DOCK4: variants seen among roughly 807,000 people sequenced by gnomAD.
The protein encoded by DOCK4 is dedicator of cytokinesis 4, also known as dedicator of cytokinesis protein 4.
DOCK4 carries 97 observed loss-of-function variants against 268.1 expected under a neutral mutation model. The ratio of observed to expected loss-of-function variants is 0.36; its 90% CI spans 0.31 to 0.43. The LOEUF is 0.43. Ranked by LOEUF, DOCK4 falls within the 20% of genes least tolerant of loss-of-function variation. The probability of loss-of-function intolerance (pLI) is 1.00; values close to 1 mark genes in which losing one functional copy is unlikely to be tolerated. For missense variants in DOCK4, 2,145 were observed against 2,455.7 expected, an observed-to-expected ratio of 0.87 and a Z score of 2.67; for synonymous variants, 954 against 887.2, an observed-to-expected ratio of 1.08 and a Z score of -1.34.
chr7:112,092,146 GTTT>G (rs1385015090), intron 1 of DOCK4, among the ~76,000 whole-genome samples: 1 of 152,066 alleles, frequency 6.6e-6, no homozygotes, highest in East Asian at 1.9e-4. Flanking sequence ...TAATAACTTT[GTTT>G]GGCAAATGAA....
chr7:112,144,932 T>C (rs1344159456), intron 1 of DOCK4, among the ~76,000 whole-genome samples: 1 of 152,158 alleles, frequency 6.6e-6, no homozygotes, highest in Non-Finnish European at 1.5e-5. Context: ...ATTAGGAATT[T>C]TTGTTCCACT....
At chr7:111,742,722 G>A (rs192075959) in intron 44 of DOCK4, among the ~76,000 whole-genome samples, 6 of 152,270 alleles carry the variant, frequency 3.9e-5, no homozygotes, top group Admixed American at 1.3e-4. Context: ...GGCCAGGCGC[G>A]GTGGCTCACG....
intron 1 of DOCK4, among the ~76,000 whole-genome samples, chr7:112,069,256 T>G (rs1477786674): frequency 6.6e-6 from 1 of 152,184 alleles, no homozygotes; most frequent in Admixed American, 6.5e-5. Context: ...AAGATTGAGT[T>G]ATTGTTGGCA....
intron 16 of DOCK4, among the ~76,000 whole-genome samples, chr7:111,892,127 TAGAA>T (rs760198622): frequency 6.6e-6 from 1 of 152,192 alleles, no homozygotes; most frequent in Non-Finnish European, 1.5e-5. Context: ...GAGACATCCT[TAGAA>T]AGGCCCTTCT....
At chr7:112,121,804 C>T (rs1227923891) in intron 1 of DOCK4, among the ~76,000 whole-genome samples, 1 of 152,144 alleles carries the variant, frequency 6.6e-6, no homozygotes, top group African/African-American at 2.4e-5. Context: ...GTTTTGACCC[C>T]ACTCATGCGC....
In DOCK4 at chr7:112,206,149, G is replaced by T; in HGVS notation, c.-11C>A. 6.3e-7 allele frequency: 1 copy of T among 1,578,790 alleles called. No individual in the cohort carries two copies. The highest frequency in any genetic ancestry group is 8.6e-7 in the Non-Finnish European group (1 of 1,162,076). On this transcript the variant is annotated 5_prime_UTR_variant, in exon 1 of 53. Coordinates refer to ENST00000428084, the MANE Select transcript of DOCK4 (RefSeq NM_001363540.2). ...CGTAGGTATCCACATGGCTAAAGGG[G>T]CTCCGGGGTCTTCAGGCTTTGTAAT...
At chr7:111,732,710 C>T (rs531955217) in intron 51 of DOCK4, among the ~76,000 whole-genome samples, 5 of 152,328 alleles carry the variant, frequency 3.3e-5, no homozygotes, top group Admixed American at 2.0e-4. Context: ...CATGGCCACC[C>T]CAGCAGCCTG....
intron 1 of DOCK4, among the ~76,000 whole-genome samples, chr7:112,096,768 T>C (rs1272901747): frequency 1.3e-5 from 2 of 152,108 alleles, no homozygotes; most frequent in Non-Finnish European, 2.9e-5. Context: ...TGTAGCTGGT[T>C]AGTAAAGGTC....
At chr7:112,105,563 C>A (rs1265294761) in intron 1 of DOCK4, among the ~76,000 whole-genome samples, 3 of 95,200 alleles carry the variant, frequency 3.2e-5, no homozygotes, top group African/African-American at 5.8e-5. Context: ...CTAAAGACAA[C>A]AAATCTAAAA....
intron 1 of DOCK4, among the ~76,000 whole-genome samples, chr7:112,121,786 G>T (rs1812751037): frequency 6.6e-6 from 1 of 152,178 alleles, no homozygotes. Context: ...TTCTTTGAGA[G>T]ACCAGTGGTT....
chr7:111,835,853 A>G (rs1450484139), intron 25 of DOCK4, among the ~76,000 whole-genome samples: 1 of 152,166 alleles, frequency 6.6e-6, no homozygotes, highest in Non-Finnish European at 1.5e-5. Context: ...ATACTTAAAG[A>G]CCATGTCAAG....
chr7:111,908,512 T>A (rs1791806677), intron 13 of DOCK4, among the ~76,000 whole-genome samples: 2 of 151,180 alleles, frequency 1.3e-5, no homozygotes, highest in Non-Finnish European at 1.5e-5. Flanking sequence ...TTTGTCAAAG[T>A]GACTTTTATT....
Position 111,811,876 on chromosome 7 carries a change from T to C in DOCK4, c.3004A>G (p.Lys1002Glu). ...KNFLNENFDYKIWDSYFYLAV... is the reference protein window; with the variant it reads ...KNFLNENFDYEIWDSYFYLAV... ...GAGTCATATAAATGAATGCTTACCT[T>C]ATAATCAAAGTTTTCATTTAAGAAG... The change falls in exon 28 of 53, where the codon AAG becomes GAG. Residue 1002 changes from lysine (K) to glutamate (E), a missense_variant and splice_region_variant. Lys to Glu is a moderately conservative substitution (Grantham distance 56). Around this residue, in one of 2 missense-constraint regions of DOCK4, gnomAD observed 1,598 missense variants for 1,986.7 expected, o/e 0.80. Coordinates refer to ENST00000428084, the MANE Select transcript of DOCK4 (RefSeq NM_001363540.2). 2.0e-6 allele frequency: 3 copies of C among 1,503,870 alleles called. No individual in the cohort carries two copies. Among genetic ancestry groups the C allele is most frequent in the Non-Finnish European group, 2.7e-6 (3 of 1,105,544 alleles). The allele number at this position is 1,503,870 out of a possible 1,614,324, so 93.2% of individuals were successfully genotyped here.
intron 8 of DOCK4, among the ~76,000 whole-genome samples, chr7:111,955,148 A>G (rs960009197): frequency 5.3e-5 from 8 of 152,226 alleles, no homozygotes; most frequent in African/African-American, 1.9e-4. Flanking sequence ...ACATGAGAAC[A>G]CAAATGACAG....
At chr7:112,051,910 T>C (rs1805392508) in intron 1 of DOCK4, among the ~76,000 whole-genome samples, 1 of 152,214 alleles carries the variant, frequency 6.6e-6, no homozygotes, top group South Asian at 2.1e-4. Flanking sequence ...TATCGATATT[T>C]ATAGATTTAT....
chr7:111,957,117 T>C (rs1405782887), intron 8 of DOCK4, among the ~76,000 whole-genome samples: 2 of 152,178 alleles, frequency 1.3e-5, no homozygotes, highest in African/African-American at 4.8e-5. Flanking sequence ...AGAACAGGTA[T>C]ATTATTTTCT....
At chr7:112,163,018 T>C (rs1817275914) in intron 1 of DOCK4, among the ~76,000 whole-genome samples, 1 of 152,190 alleles carries the variant, frequency 6.6e-6, no homozygotes, top group African/African-American at 2.4e-5. Context: ...TCCTCCTTTG[T>C]AGCTGCTACT....
chr7:112,172,133 A>T (rs1279607058), intron 1 of DOCK4, among the ~76,000 whole-genome samples: 1 of 152,222 alleles, frequency 6.6e-6, no homozygotes, highest in Non-Finnish European at 1.5e-5. Context: ...TTAGGGGTGA[A>T]GAGACAATTC....
At chr7:112,154,696 C>T (rs763989265) in intron 1 of DOCK4, among the ~76,000 whole-genome samples, 8 of 152,120 alleles carry the variant, frequency 5.3e-5, no homozygotes, top group African/African-American at 1.9e-4. Context: ...GGAACACTGG[C>T]GTGGGGTTGA....
Sources: gnomAD v4.1 joint callset for allele counts (sites outside exome capture counted in the v4.1 genomes callset) on GRCh38, gnomAD v4.1.1 for gene constraint, gnomAD v4.1.1 regional missense constraint, MANE v1.5 for transcripts, NCBI Gene and HGNC (gene_info 2026-07-23, HGNC 2026-07-21) for gene names.